CDC42SE2: variants seen among roughly 807,000 people sequenced by gnomAD.
CDC42SE2 encodes CDC42 small effector protein 2.
CDC42SE2 carries 3 observed loss-of-function variants against 11.5 expected under a neutral mutation model. The ratio of observed to expected loss-of-function variants is 0.26; its 90% confidence interval spans 0.12 to 0.67. The LOEUF (loss-of-function observed/expected upper bound fraction) is 0.67. CDC42SE2 is among the 30% of genes least tolerant of loss of function. CDC42SE2 has a pLI of 0.80. For synonymous variants in CDC42SE2, 33 were observed against 34.8 expected, an observed-to-expected ratio of 0.95 and a Z score of 0.18; for missense variants, 82 against 106.8, an observed-to-expected ratio of 0.77 and a Z score of 1.02.
rs10065842 is a variant in CDC42SE2, at chr5:131,347,782, C to A, written c.-285-11427C>A. Among the ~76,000 whole-genome samples the A allele has an allele frequency of 5.9e-5, 9 of 152,180 alleles. No individual in the cohort carries two copies. The East Asian group carries it at 1.4e-3, about 23-fold the overall frequency. ...ACTGGCAAACCAAATCCAGCAGCAC[C>A]TCAAAAAGCTTATGTACCACGATCA... On this transcript the variant is annotated intron_variant, in intron 2 of 4. Coordinates refer to ENST00000505065, the MANE Select transcript of CDC42SE2 (RefSeq NM_001375635.1).
At chr5:131,295,813 G>A (rs1268733817) in intron 1 of CDC42SE2, among the ~76,000 whole-genome samples, 5 of 151,926 alleles carry the variant, frequency 3.3e-5, no homozygotes, top group African/African-American at 1.2e-4. Flanking sequence ...CTCCCAAGTA[G>A]CTGGGACTAC....
At chr5:131,347,187 C>CA (rs1758868664) in intron 2 of CDC42SE2, among the ~76,000 whole-genome samples, 1 of 151,974 alleles carries the variant, frequency 6.6e-6, no homozygotes, top group Non-Finnish European at 1.5e-5. Flanking sequence ...AAAAAGCCTT[C>CA]AAAAAATCAA....
At chr5:131,361,705 T>C (rs1209722309) in intron 3 of CDC42SE2, among the ~76,000 whole-genome samples, 1 of 152,114 alleles carries the variant, frequency 6.6e-6, no homozygotes, top group Non-Finnish European at 1.5e-5. Flanking sequence ...CAAAGTTTTA[T>C]TGAGTGGAAG....
At chr5:131,216,806 C>T in the CDC42SE2 span, among the ~76,000 whole-genome samples, 1 of 152,092 alleles carries the variant, frequency 6.6e-6, no homozygotes, top group Non-Finnish European at 1.5e-5. Flanking sequence ...TATTCCCTTC[C>T]ATCCATAAAG....
intron 1 of CDC42SE2, among the ~76,000 whole-genome samples, chr5:131,288,046 C>T (rs1448205931): frequency 6.6e-6 from 1 of 151,868 alleles, no homozygotes; most frequent in South Asian, 2.1e-4. Flanking sequence ...GAGTTTGAGA[C>T]CGGCCTGGGC....
At chr5:131,345,812 T>C (rs1580769030) in intron 2 of CDC42SE2, among the ~76,000 whole-genome samples, 1 of 152,162 alleles carries the variant, frequency 6.6e-6, no homozygotes, top group Non-Finnish European at 1.5e-5. Flanking sequence ...TGGCAGAAAC[T>C]CTATAAGCCA....
intron 1 of CDC42SE2, among the ~76,000 whole-genome samples, chr5:131,245,767 T>G (rs907979222): frequency 3.3e-5 from 5 of 152,234 alleles, no homozygotes; most frequent in African/African-American, 1.2e-4. Context: ...GTTTCTACTT[T>G]TATTAAAAGT....
At chr5:131,384,041 A>T (rs1750401741) in intron 3 of CDC42SE2, among the ~76,000 whole-genome samples, 1 of 152,252 alleles carries the variant, frequency 6.6e-6, no homozygotes, top group Admixed American at 6.5e-5. Context: ...AACTAACAGA[A>T]TAAAACTTTT....
At chr5:131,390,301 T>C (rs1580793670) in intron 4 of CDC42SE2, among the ~76,000 whole-genome samples, 1 of 152,208 alleles carries the variant, frequency 6.6e-6, no homozygotes, top group African/African-American at 2.4e-5. Flanking sequence ...TTCATGCTTA[T>C]TTTCTTGGTT....
the CDC42SE2 span, among the ~76,000 whole-genome samples, chr5:131,239,764 A>T: frequency 6.6e-6 from 1 of 152,144 alleles, no homozygotes; most frequent in Non-Finnish European, 1.5e-5. Context: ...ATAAATTCAG[A>T]TTCCTCATCT....
At chr5:131,279,459 C>A (rs1179889365) in intron 1 of CDC42SE2, among the ~76,000 whole-genome samples, 4 of 145,080 alleles carry the variant, frequency 2.8e-5, no homozygotes, top group African/African-American at 7.7e-5. Context: ...CCTCCCCCCC[C>A]CCCTTTCAGA....
At chr5:131,304,337 G>A (rs1282703817) in intron 1 of CDC42SE2, among the ~76,000 whole-genome samples, 4 of 151,888 alleles carry the variant, frequency 2.6e-5, no homozygotes, top group East Asian at 1.9e-4. Context: ...ATTTTTCTCC[G>A]TCTCTTCAGT....
At chr5:131,223,554 G>C in the CDC42SE2 span, among the ~76,000 whole-genome samples, 1 of 151,926 alleles carries the variant, frequency 6.6e-6, no homozygotes, top group South Asian at 2.1e-4. Flanking sequence ...CTGTTTTAAA[G>C]CCTATTTCAG....
At chr5:131,306,559 CT>C (rs1459783092) in intron 1 of CDC42SE2, among the ~76,000 whole-genome samples, 2 of 152,044 alleles carry the variant, frequency 1.3e-5, no homozygotes, top group Non-Finnish European at 2.9e-5. Context: ...CTCAAGATTG[CT>C]TTGTCTGTTT....
chr5:131,307,717 C>T (rs1757809337), intron 1 of CDC42SE2, among the ~76,000 whole-genome samples: 1 of 152,150 alleles, frequency 6.6e-6, no homozygotes, highest in East Asian at 1.9e-4. Context: ...TCCACATCCT[C>T]TCCAGCACCT....
intron 1 of CDC42SE2, among the ~76,000 whole-genome samples, chr5:131,249,785 A>G (rs1232287406): frequency 2.0e-5 from 3 of 152,174 alleles, no homozygotes; most frequent in Non-Finnish European, 4.4e-5. Context: ...CAGGAGGCTG[A>G]GGCGGGAGGA....
chr5:131,245,201 G>A (rs1188392363), upstream of CDC42SE2, among the ~76,000 whole-genome samples: 1 of 152,182 alleles, frequency 6.6e-6, no homozygotes, highest in Non-Finnish European at 1.5e-5. Flanking sequence ...CTAGATACCA[G>A]CTCTTACAAG....
chr5:131,283,581 C>T (rs940104986), intron 1 of CDC42SE2, among the ~76,000 whole-genome samples: 2 of 150,640 alleles, frequency 1.3e-5, no homozygotes, highest in Admixed American at 6.6e-5. Flanking sequence ...GCAACCTCTG[C>T]CTCCTGGGTT....
At chr5:131,234,977 C>T in the CDC42SE2 span, among the ~76,000 whole-genome samples, 5 of 151,532 alleles carry the variant, frequency 3.3e-5, no homozygotes, top group African/African-American at 4.9e-5. Context: ...CAACCTCTGC[C>T]ACCCAGGTTC....
Sources: allele counts gnomAD v4.1 joint callset (sites outside exome capture counted in the v4.1 genomes callset), GRCh38; gene constraint gnomAD v4.1.1; transcripts MANE v1.5; gene names NCBI Gene and HGNC (gene_info 2026-07-23, HGNC 2026-07-21).